SLC22A11: variants seen among roughly 807,000 people sequenced by gnomAD.
SLC22A11 encodes organic anion transporter 4.
In SLC22A11, 42 loss-of-function variants were observed where a neutral mutation model predicts 49.4. The ratio of observed to expected loss-of-function variants is 0.85; its 90% CI spans 0.66 to 1.10. The LOEUF is 1.10. Among genes scored for constraint, SLC22A11 ranks in the 50% least tolerant of loss-of-function variants. The pLI is 0.00. For synonymous variants in SLC22A11, 304 were observed against 315.8 expected, an observed-to-expected ratio of 0.96 and a Z score of 0.40; for missense variants, 685 against 731.6, an observed-to-expected ratio of 0.94 and a Z score of 0.74.
In SLC22A11 at chr11:64,571,456, CA is replaced by C. The variant is rs1261065765; in HGVS notation, c.*415del. 5 of 187,418 alleles carry C rather than the reference CA, an allele frequency of 2.7e-5. No individual in the cohort carries two copies. Among genetic ancestry groups the C allele is most frequent in the African/African-American group, 1.2e-4 (5 of 42,570 alleles). 11.6% of individuals were successfully genotyped at this position (187,418 alleles called of 1,614,324 possible). A position where few individuals can be genotyped will look rare whatever the true frequency, so the allele number is the denominator to read the frequency against. On this transcript the variant is annotated 3_prime_UTR_variant, in exon 10 of 10. Transcript: ENST00000301891. The stretch of plus-strand genomic sequence containing the variant: ...GAGAATGATCACGTGACCCACCCCC[CA>C]GGGCAGGTATCAGGGTGAACTGATC...
At chr11:64,566,231 G>A (rs1034290073) in intron 6 of SLC22A11, 1 of 151,476 alleles carries the variant, frequency 6.6e-6, no homozygotes, top group African/African-American at 2.4e-5. Context: ...GGGCGACAGG[G>A]CAAGATTCCG....
chr11:64,566,496 A>C (rs2038628172), intron 6 of SLC22A11: 1 of 151,518 alleles, frequency 6.6e-6, no homozygotes, highest in Non-Finnish European at 1.5e-5. Flanking sequence ...TTAAAAAAAA[A>C]AAAAACCTTC....
rs199622760 is a variant in SLC22A11 at position 64,556,281 on chromosome 11, G to A, written c.282G>A (p.Gln94=). The change falls in exon 1 of 10, where the codon CAG becomes CAA. Residue 94 remains glutamine (Q), a synonymous_variant. Coordinates refer to ENST00000301891, the MANE Select transcript of SLC22A11 (RefSeq NM_018484.4). The part of the protein sequence containing the change: ...QCRRFRQPQW[Q]LLDPNATATS... ...GCCGCTTCCGCCAGCCACAGTGGCA[G>A]CTCTTGGACCCCAATGCCACGGCCA... The A allele has an allele frequency of 6.2e-7, 1 of 1,613,918 alleles. No homozygotes were observed. The highest frequency in any genetic ancestry group is 2.2e-5 in the East Asian group (1 of 44,892).
rs1354701022 is a variant in SLC22A11 at position 64,569,682 on chromosome 11, G to A, written c.1413G>A (p.Val471=). The A allele has an allele frequency of 6.2e-7, 1 of 1,614,132 alleles. No individual in the cohort carries two copies. Among genetic ancestry groups the A allele is most frequent in the Non-Finnish European group, 8.5e-7 (1 of 1,180,030 alleles). ...CAGCAGATGGCATTCTGCATACAGT[G>A]GGCCGGCTGGGGGCTATGATGGGTC... ...RMTADGILHT[V]GRLGAMMGPL... is the part of the protein sequence containing the mutation. Residue 471 remains valine (V), a synonymous_variant, in exon 9 of 10, where the codon GTG becomes GTA. Coordinates refer to ENST00000301891, the MANE Select transcript of SLC22A11 (RefSeq NM_018484.4).
At position 64,562,427 on chromosome 11, in the gene SLC22A11, G is replaced by A; in HGVS notation, c.813G>A (p.Leu271=). The part of the protein sequence containing the change: ...AASVPFFAIS[L]ISWWLPESAR... ...CAGTGCCCTTCTTTGCCATCTCCCT[G>A]ATATCCTGGTCAGTATGATGTGGGA... Residue 271 remains leucine, a synonymous_variant, in exon 4 of 10, where the codon CTG becomes CTA. Coordinates refer to ENST00000301891, the MANE Select transcript of SLC22A11 (RefSeq NM_018484.4). This position sits in a 1 kb window ranked among gnomAD's most constrained non-coding sequence, Gnocchi z 4.4. The A allele has an allele frequency of 3.2e-6, 5 of 1,584,770 alleles. No individual in the cohort carries two copies. The African/African-American group carries it at 4.1e-5, about 13-fold the overall frequency.
In SLC22A11 at chr11:64,565,828, A is replaced by C; in HGVS notation, c.1058+491A>C. 1 of 295,140 alleles carries C rather than the reference A, an allele frequency of 3.4e-6. No individual in the cohort carries two copies. 18.3% of individuals were successfully genotyped at this position (295,140 alleles called of 1,614,324 possible). On this transcript the variant is annotated intron_variant, in intron 6 of 9. Coordinates refer to ENST00000301891, the MANE Select transcript of SLC22A11 (RefSeq NM_018484.4). The surrounding 1 kb of genome is among the most constrained non-coding windows in gnomAD (Gnocchi z 4.1). Reference sequence around the variant, plus strand: ...AGGGGTAAGGAACAAGCCCAAAATAATAGAGCCTGCATTGGAACCGGGCTG... The same window carrying C: ...AGGGGTAAGGAACAAGCCCAAAATACTAGAGCCTGCATTGGAACCGGGCTG...
At chr11:64,558,143 C>G (rs2038489673) in intron 1 of SLC22A11, among the ~76,000 whole-genome samples, 2 of 152,150 alleles carry the variant, frequency 1.3e-5, no homozygotes, top group African/African-American at 4.8e-5. Context: ...CTACATGGCC[C>G]AGGCTGGTCT....
At position 64,567,806 on chromosome 11, in the gene SLC22A11, G is replaced by T. The variant is rs777809887; in HGVS notation, c.1266G>T (p.Val422=). Reference sequence around the variant, plus strand: ...TCGCCATTCTAGCCAACATGCTGGTGCCGCAAGGTGAGGCAGGCGGACTGG... The same window carrying T: ...TCGCCATTCTAGCCAACATGCTGGTTCCGCAAGGTGAGGCAGGCGGACTGG... ...AGLAILANML[V]PQDLQTLRVV... Residue 422 remains valine (V), a synonymous_variant, in exon 7 of 10, where the codon GTG becomes GTT. Coordinates refer to ENST00000301891, the MANE Select transcript of SLC22A11 (RefSeq NM_018484.4). 1 of 1,593,134 alleles carries T rather than the reference G, an allele frequency of 6.3e-7. No individual in the cohort carries two copies. Among genetic ancestry groups the T allele is most frequent in the Non-Finnish European group, 8.5e-7 (1 of 1,171,404 alleles).
At chr11:64,560,966 T>G (rs1225707099) in intron 2 of SLC22A11, among the ~76,000 whole-genome samples, 1 of 152,054 alleles carries the variant, frequency 6.6e-6, no homozygotes, top group African/African-American at 2.4e-5. Context: ...GGCCTCAGTT[T>G]CCCCCCAGCA....
intron 2 of SLC22A11, among the ~76,000 whole-genome samples, chr11:64,561,600 CTAAT>C (rs1204348358): frequency 2.7e-5 from 4 of 149,024 alleles, no homozygotes; most frequent in South Asian, 2.1e-4. Context: ...AGACACCTGG[CTAAT>C]TTATTTATTT....
At chr11:64,558,434 C>T (rs923257369) in intron 1 of SLC22A11, among the ~76,000 whole-genome samples, 4 of 152,080 alleles carry the variant, frequency 2.6e-5, no homozygotes, top group South Asian at 2.1e-4. Context: ...AGGGAGCTGC[C>T]GGGCCTCAGT....
Position 64,565,200 on chromosome 11 carries a change from G to A in SLC22A11, c.943-22G>A, listed in dbSNP as rs887514457. 8.0e-6 allele frequency: 12 copies of A among 1,501,180 alleles called. No homozygotes were observed. Among genetic ancestry groups the A allele is most frequent in the Admixed American group, 6.1e-5 (3 of 49,500 alleles). 93.0% of individuals were successfully genotyped at this position (1,501,180 alleles called of 1,614,324 possible). On this transcript the variant is annotated intron_variant, in intron 5 of 9. Transcript: ENST00000301891. The surrounding 1 kb of genome is among the most constrained non-coding windows in gnomAD (Gnocchi z 4.1). ...CAGGGCCATTGCCCTACCATTCACG[G>A]TGCCCCCATTCTCCCCGGAAGGTGC...
chr11:64,560,859 G>T (rs1565120779), intron 2 of SLC22A11, among the ~76,000 whole-genome samples: 1 of 152,202 alleles, frequency 6.6e-6, no homozygotes, highest in South Asian at 2.1e-4. Context: ...TGGCTCTGGG[G>T]TCTGACTACC....
At chr11:64,561,898 A>C in intron 2 of SLC22A11, 106 bp from the exon 3 acceptor site, 21 of 1,346,486 alleles carry the variant, frequency 1.6e-5, no homozygotes, top group Non-Finnish European at 2.0e-5. Context: ...GCTGGCTGCA[A>C]GAGATCCCCT....
chr11:64,570,992 G>A lies in SLC22A11; in HGVS notation c.1603G>A (p.Ala535Thr), dbSNP rs2038695836. ...QDLESQKSTA[A>T]QGNRQEAVTV... ...GGATTATTCTAGGAAATCAACAGCA[G>A]CCCAGGGCAACCGGCAAGAGGCCGT... is the stretch of plus-strand genomic sequence containing the variant. The change falls in exon 10 of 10, where the codon GCC (alanine) becomes ACC (threonine). Residue 535 changes from alanine (A) to threonine (T), a missense_variant. Transcript: ENST00000301891. The A allele has an allele frequency of 6.2e-7, 1 of 1,614,220 alleles. No homozygotes were observed. The highest frequency in any genetic ancestry group is 1.1e-5 in the South Asian group (1 of 91,084).
Position 64,571,159 on chromosome 11 carries a change from C to A in SLC22A11, c.*117C>A. 1.7e-6 allele frequency: 2 copies of A among 1,171,456 alleles called. No individual in the cohort carries two copies. The highest frequency in any genetic ancestry group is 1.3e-6 in the Non-Finnish European group (1 of 798,954). The allele number at this position is 1,171,456 out of a possible 1,614,324, so 72.6% of individuals were successfully genotyped here. A position where few individuals can be genotyped will look rare whatever the true frequency, so the allele number is the denominator to read the frequency against. ...TTCAAGGGCCTGGCATGGCAGAGGCCAGGCAGCCGTGGCCGAGTGGACAGC... is the reference window on the plus strand; with the variant it reads ...TTCAAGGGCCTGGCATGGCAGAGGCAAGGCAGCCGTGGCCGAGTGGACAGC... On this transcript the variant is annotated 3_prime_UTR_variant, in exon 10 of 10. Transcript: ENST00000301891.
At position 64,565,905 on chromosome 11, in the gene SLC22A11, A is replaced by C; in HGVS notation, c.1058+568A>C. On this transcript the variant is annotated intron_variant, in intron 6 of 9. Transcript: ENST00000301891. This position sits in a 1 kb window ranked among gnomAD's most constrained non-coding sequence, Gnocchi z 4.1. ...TCACTGCCAGGGCCCGCGCGACCAG[A>C]CCCTGGCCCTCCCCGGGACCCAAGG... 4.9e-6 allele frequency: 1 copy of C among 205,422 alleles called. No homozygotes were observed. 12.7% of individuals were successfully genotyped at this position (205,422 alleles called of 1,614,324 possible).
At chr11:64,567,884 G>T in intron 7 of SLC22A11, 71 bp downstream of exon 7, 3 of 1,471,964 alleles carry the variant, frequency 2.0e-6, no homozygotes, top group Non-Finnish European at 1.8e-6. Context: ...TGAGCGTGGG[G>T]CCACATCCCC....
chr11:64,569,161 T>TG (rs896843533), intron 8 of SLC22A11, among the ~76,000 whole-genome samples: 86 of 152,170 alleles, frequency 5.7e-4, no homozygotes, highest in Middle Eastern at 3.4e-3. Flanking sequence ...AAAACACAAA[T>TG]GGAAAACCAG....
Sources: allele counts gnomAD v4.1 joint callset (sites outside exome capture counted in the v4.1 genomes callset), GRCh38; gene constraint gnomAD v4.1.1; non-coding constraint Gnocchi (gnomAD v3.1); transcripts MANE v1.5; gene names NCBI Gene and HGNC (gene_info 2026-07-23, HGNC 2026-07-21).